Variants in PECR observed in about 807,000 individuals in gnomAD.
PECR encodes the protein peroxisomal trans-2-enoyl-CoA reductase, also known as 2,4-dienoyl-CoA reductase-related protein.
Under a neutral mutation model 35.3 loss-of-function variants are expected in PECR, and 30 were observed. The ratio of observed to expected loss-of-function variants is 0.85; its 90% CI spans 0.64 to 1.15. The LOEUF (loss-of-function observed/expected upper bound fraction) is 1.15. Ranked by LOEUF, PECR falls within the 50% of genes most tolerant of loss-of-function variation. The pLI is 0.00. For missense variants in PECR, 392 were observed against 370.8 expected, an observed-to-expected ratio of 1.06 and a Z score of -0.47; for synonymous variants, 148 against 138.9, an observed-to-expected ratio of 1.07 and a Z score of -0.46.
chr2:216,030,570 G>T (rs1694664067), intron 7 of PECR, among the ~76,000 whole-genome samples: 1 of 151,752 alleles, frequency 6.6e-6, no homozygotes, highest in Non-Finnish European at 1.5e-5. Flanking sequence ...TTGAGACGGG[G>T]TCTCGCCCTG....
At chr2:216,048,594 C>T (rs1420882659) in intron 6 of PECR, among the ~76,000 whole-genome samples, 1 of 151,716 alleles carries the variant, frequency 6.6e-6, no homozygotes, top group Non-Finnish European at 1.5e-5. Flanking sequence ...TCTGTAATTC[C>T]AGCTACTCGG....
chr2:216,046,307 T>TAC (rs1694990746), intron 6 of PECR, among the ~76,000 whole-genome samples: 1 of 117,796 alleles, frequency 8.5e-6, no homozygotes, highest in South Asian at 2.5e-4. Flanking sequence ...TATATATATA[T>TAC]ATATTTTTTT....
chr2:216,044,211 C>T (rs899062537), intron 6 of PECR, among the ~76,000 whole-genome samples, 196 bp from the exon 7 acceptor site: 3 of 152,148 alleles, frequency 2.0e-5, no homozygotes, highest in Admixed American at 6.6e-5. Flanking sequence ...TGAGCATCAC[C>T]GAAATCAGGT....
downstream of PECR, among the ~76,000 whole-genome samples, chr2:216,035,809 G>C (rs1401622763): frequency 6.6e-6 from 1 of 152,058 alleles, no homozygotes; most frequent in Non-Finnish European, 1.5e-5. Flanking sequence ...TGAGCTCTCA[G>C]TCTTAGTCCT....
chr2:216,043,084 CAT>C (rs1304009098), intron 7 of PECR, among the ~76,000 whole-genome samples: 19 of 138,926 alleles, frequency 1.4e-4, no homozygotes, highest in East Asian at 2.0e-4. Flanking sequence ...TATATATACA[CAT>C]ACATATATAT....
intron 7 of PECR, among the ~76,000 whole-genome samples, chr2:216,031,695 A>AAGAG (rs1348716269): frequency 9.3e-6 from 1 of 106,954 alleles, no homozygotes; most frequent in African/African-American, 3.5e-5. Flanking sequence ...AAGAAAGAGA[A>AAGAG]AGAAAGAAAG....
At chr2:216,049,478 A>T in intron 5 of PECR, 105 bp from the exon 6 acceptor site, 2 of 621,158 alleles carry the variant, frequency 3.2e-6, no homozygotes, top group Non-Finnish European at 5.7e-6. Context: ...TAAGTAGCTT[A>T]AGTCAAAAAA....
chr2:216,063,949 T>A (rs953586373), intron 3 of PECR: 3 of 152,160 alleles, frequency 2.0e-5, no homozygotes, highest in African/African-American at 7.2e-5. Context: ...GGTCTCAAAC[T>A]CCTGAGCTCA....
chr2:216,071,018 GAATT>G (rs1574704245), intron 1 of PECR, among the ~76,000 whole-genome samples: 1 of 151,996 alleles, frequency 6.6e-6, no homozygotes, highest in African/African-American at 2.4e-5. Context: ...TTTTGTTTTT[GAATT>G]AATTGAGACA....
At chr2:216,045,362 T>C (rs1451259311) in intron 6 of PECR, among the ~76,000 whole-genome samples, 1 of 152,226 alleles carries the variant, frequency 6.6e-6, no homozygotes, top group East Asian at 1.9e-4. Context: ...GCTGTAAGTA[T>C]AGAACACACA....
At chr2:216,042,979 G>GTATATA (rs10623080) in intron 7 of PECR, among the ~76,000 whole-genome samples, 1 of 130,494 alleles carries the variant, frequency 7.7e-6, no homozygotes, top group African/African-American at 3.0e-5. Flanking sequence ...ACGTATATGT[G>GTATATA]TATATATATA....
chr2:216,065,597 T>G lies in PECR; in HGVS notation c.259-120A>C, dbSNP rs147439311. The G allele has an allele frequency of 5.6e-6, 4 of 710,664 alleles. No individual in the cohort carries two copies. The Admixed American group carries it at 6.0e-5, about 11-fold the overall frequency. The allele number at this position is 710,664 out of a possible 1,614,324, so 44.0% of individuals were successfully genotyped here. A position where few individuals can be genotyped will look rare whatever the true frequency, so the allele number is the denominator to read the frequency against. ...TCTCACAGTGAACAGTCACTCCAAG[T>G]GCCACAATGAATGAACATGCAGCAA... On this transcript the variant is annotated intron_variant, in intron 2 of 7. Transcript: ENST00000265322.
Position 216,081,695 on chromosome 2 carries a change from A to G in PECR, c.47T>C (p.Leu16Pro). ...GGTGACGATGGCCACTTGGCCCTGCAGCAAACCAGGCGCCAGGTAGCTCCT... is the reference window on the plus strand; with the variant it reads ...GGTGACGATGGCCACTTGGCCCTGCGGCAAACCAGGCGCCAGGTAGCTCCT... ...KGRSYLAPGL[L>P]QGQVAIVTGG... The change falls in exon 1 of 8, where the codon CTG becomes CCG. Residue 16 changes from leucine (L) to proline (P), a missense_variant. Transcript: ENST00000265322. The G allele has an allele frequency of 6.2e-7, 1 of 1,613,678 alleles. No individual in the cohort carries two copies. The highest frequency in any genetic ancestry group is 8.5e-7 in the Non-Finnish European group (1 of 1,179,950).
chr2:216,059,555 C>T (rs1695294252), intron 3 of PECR, among the ~76,000 whole-genome samples: 1 of 152,154 alleles, frequency 6.6e-6, no homozygotes, highest in Admixed American at 6.5e-5. Flanking sequence ...TTTGTGTGGT[C>T]ATATGTTAAC....
At chr2:216,035,488 CTTTT>C (rs535525763), downstream of PECR, among the ~76,000 whole-genome samples, 11 of 127,854 alleles carry the variant, frequency 8.6e-5, no homozygotes, top group Admixed American at 1.6e-4. Context: ...GAGGGCTCTT[CTTTT>C]TTTTTTTTTT....
intron 5 of PECR, among the ~76,000 whole-genome samples, chr2:216,051,196 G>C (rs987863623): frequency 2.1e-5 from 3 of 139,854 alleles, no homozygotes; most frequent in African/African-American, 8.1e-5. Flanking sequence ...TGAGGCACAA[G>C]AATCACTTGA....
intron 2 of PECR, 104 bp downstream of exon 2, chr2:216,066,281 A>C: frequency 2.1e-6 from 2 of 962,164 alleles, no homozygotes; most frequent in Non-Finnish European, 3.4e-6. Flanking sequence ...AGTGAGCCTC[A>C]TCTAAGACAG....
chr2:216,041,602 T>A (rs1367799246), intron 7 of PECR, among the ~76,000 whole-genome samples: 2 of 152,236 alleles, frequency 1.3e-5, no homozygotes, highest in Non-Finnish European at 2.9e-5. Context: ...TGATGTGTTC[T>A]TATATGTTAA....
chr2:216,042,702 C>T (rs1418365537), intron 7 of PECR, among the ~76,000 whole-genome samples: 1 of 152,118 alleles, frequency 6.6e-6, no homozygotes, highest in South Asian at 2.1e-4. Flanking sequence ...ATGAGACACA[C>T]ACACACATAA....
Sources: gnomAD v4.1 joint callset for allele counts (sites outside exome capture counted in the v4.1 genomes callset) on GRCh38, gnomAD v4.1.1 for gene constraint, MANE v1.5 for transcripts, NCBI Gene and HGNC (gene_info 2026-07-23, HGNC 2026-07-21) for gene names.